Variants in BICDL1 observed in about 807,000 individuals in gnomAD.
BICDL1 encodes the protein BICD family like cargo adaptor 1.
BICDL1 carries 20 observed loss-of-function variants against 76.8 expected under a neutral mutation model. The observed-to-expected ratio is 0.26, with a 90% CI of 0.18 to 0.38. The LOEUF (loss-of-function observed/expected upper bound fraction) is 0.38. Among genes scored for constraint, BICDL1 ranks in the 10% least tolerant of loss-of-function variants. The pLI is 1.00. For missense variants in BICDL1, 700 were observed against 798.6 expected (o/e 0.88, Z 1.49); for synonymous variants, 383 against 337.1 (o/e 1.14, Z -1.49).
intron 2 of BICDL1, among the ~76,000 whole-genome samples, chr12:120,011,988 A>T (rs377581699): frequency 1.3e-5 from 2 of 152,226 alleles, no homozygotes; most frequent in East Asian, 1.9e-4. Context: ...CTAAATGTCC[A>T]CATGTACGTA....
chr12:120,063,574 A>G (rs1953153244), intron 3 of BICDL1, among the ~76,000 whole-genome samples: 1 of 152,190 alleles, frequency 6.6e-6, no homozygotes, highest in African/African-American at 2.4e-5. Flanking sequence ...CCCCTGGAAA[A>G]GTTCTAAGGT....
intron 1 of BICDL1, among the ~76,000 whole-genome samples, chr12:119,994,779 C>T (rs999561164): frequency 2.1e-4 from 32 of 152,140 alleles, no homozygotes; most frequent in Non-Finnish European, 7.3e-5. Context: ...TGAGCCACTG[C>T]GCCCAGCCAT....
chr12:120,039,165 C>T (rs1405414962), intron 2 of BICDL1, among the ~76,000 whole-genome samples: 1 of 150,308 alleles, frequency 6.7e-6, no homozygotes, highest in East Asian at 2.0e-4. Context: ...GGCATGGTGG[C>T]GGGTGTCTAT....
chr12:120,060,515 G>A (rs575958816), intron 2 of BICDL1, among the ~76,000 whole-genome samples: 1 of 152,134 alleles, frequency 6.6e-6, no homozygotes, highest in African/African-American at 2.4e-5. Context: ...TTACTTCACT[G>A]ACTGAAACTT....
chr12:120,040,094 C>A (rs1319466025), intron 2 of BICDL1, among the ~76,000 whole-genome samples: 2 of 149,464 alleles, frequency 1.3e-5, no homozygotes, highest in Admixed American at 6.6e-5. Flanking sequence ...ATTTCTTTTT[C>A]TTTTCTTTTC....
intron 8 of BICDL1, 88 bp downstream of exon 8, chr12:120,081,105 C>A: frequency 7.4e-7 from 1 of 1,358,062 alleles, no homozygotes. Flanking sequence ...TTAAATCATA[C>A]AAAAGAATAC....
At chr12:120,008,382 C>G (rs1951890564) in intron 2 of BICDL1, among the ~76,000 whole-genome samples, 1 of 152,088 alleles carries the variant, frequency 6.6e-6, no homozygotes, top group African/African-American at 2.4e-5. Context: ...TGGTCTTGAA[C>G]TCCTGGGTTC....
chr12:120,088,576 C>G (rs1187447640), intron 8 of BICDL1, among the ~76,000 whole-genome samples: 1 of 151,974 alleles, frequency 6.6e-6, no homozygotes, highest in African/African-American at 2.4e-5. Flanking sequence ...AGGCTGGTCT[C>G]GAACTCCTGA....
intron 3 of BICDL1, among the ~76,000 whole-genome samples, chr12:120,062,357 G>A (rs1279380674): frequency 2.0e-5 from 3 of 152,142 alleles, no homozygotes; most frequent in African/African-American, 7.2e-5. Context: ...TATCGGCAGG[G>A]GAACAATACT....
At chr12:120,076,166 T>G (rs759636618) in intron 7 of BICDL1, among the ~76,000 whole-genome samples, 1 of 152,110 alleles carries the variant, frequency 6.6e-6, no homozygotes, top group Non-Finnish European at 1.5e-5. Context: ...CTCAAAAAGT[T>G]GTAGCTTGCT....
intron 2 of BICDL1, among the ~76,000 whole-genome samples, chr12:120,044,974 T>C (rs962150711): frequency 6.6e-6 from 1 of 152,082 alleles, no homozygotes; most frequent in African/African-American, 2.4e-5. Flanking sequence ...GGGGATGGCA[T>C]TGAAACAGGC....
intron 2 of BICDL1, chr12:120,056,972 A>C: frequency 4.4e-6 from 2 of 455,868 alleles, no homozygotes; most frequent in Admixed American, 2.4e-5. Context: ...CCCTGTGCCA[A>C]GCCCTGGGTT....
At chr12:120,062,913 C>T (rs922338786) in intron 3 of BICDL1, among the ~76,000 whole-genome samples, 1 of 152,184 alleles carries the variant, frequency 6.6e-6, no homozygotes, top group African/African-American at 2.4e-5. Context: ...TCTAGACCCT[C>T]ATGAACCGGG....
In BICDL1 at chr12:120,072,657, C is replaced by A. The variant is rs369210438; in HGVS notation, c.1236C>A (p.Ala412=). 1.9e-5 allele frequency: 30 copies of A among 1,614,134 alleles called. No homozygotes were observed. The Admixed American group carries it at 5.0e-4, about 27-fold the overall frequency. The change falls in exon 6 of 10, where the codon GCC becomes GCA. Residue 412 remains alanine, a synonymous_variant. Coordinates refer to ENST00000548673, the MANE Select transcript of BICDL1 (RefSeq NM_001367886.1). ...CCTCGTCCGCCAAGGATGTGCCAGCCGGCAGCTTGCGCACTGCCCTCAATG... is the reference window on the plus strand; with the variant it reads ...CCTCGTCCGCCAAGGATGTGCCAGCAGGCAGCTTGCGCACTGCCCTCAATG... ...SETSSAKDVP[A]GSLRTALNEL...
Position 120,064,852 on chromosome 12 carries a change from G to A in BICDL1, c.882G>A (p.Glu294=), listed in dbSNP as rs1566254461. The A allele has an allele frequency of 6.2e-7, 1 of 1,612,852 alleles. No homozygotes were observed. Among genetic ancestry groups the A allele is most frequent in the Admixed American group, 1.7e-5 (1 of 59,854 alleles). The change falls in exon 4 of 10, where the codon GAG becomes GAA. Residue 294 remains glutamate, a synonymous_variant. Coordinates refer to ENST00000548673, the MANE Select transcript of BICDL1 (RefSeq NM_001367886.1). ...EELQDRVLIL[E]RQGHDKDLQL... ...TACAGGACCGGGTGCTAATCCTGGA[G>A]AGGCAGGGCCATGACAAGGACCTAC... is the stretch of plus-strand genomic sequence containing the variant.
intron 8 of BICDL1, among the ~76,000 whole-genome samples, chr12:120,086,108 C>G (rs1409995601): frequency 3.9e-5 from 6 of 151,942 alleles, no homozygotes; most frequent in African/African-American, 1.2e-4. Context: ...GGCCCAGTTA[C>G]TATCCAGGAG....
intron 2 of BICDL1, among the ~76,000 whole-genome samples, chr12:120,048,184 CT>C (rs914323677): frequency 6.3e-4 from 91 of 145,290 alleles, no homozygotes; most frequent in Admixed American, 6.9e-4. Flanking sequence ...ATGAATTTAC[CT>C]TTTTTTTTTT....
chr12:120,056,134 G>A (rs1405768595), intron 2 of BICDL1, among the ~76,000 whole-genome samples: 12 of 152,098 alleles, frequency 7.9e-5, no homozygotes, highest in Admixed American at 7.9e-4. Context: ...ACCTGTGGTG[G>A]GTGGCACTAA....
intron 2 of BICDL1, among the ~76,000 whole-genome samples, chr12:120,019,555 A>G (rs1361379552): frequency 1.3e-5 from 2 of 152,144 alleles, no homozygotes; most frequent in Non-Finnish European, 2.9e-5. Context: ...AATAACAGAG[A>G]TGTGGCATTA....
Sources: gnomAD v4.1 joint callset for allele counts (sites outside exome capture counted in the v4.1 genomes callset) on GRCh38, gnomAD v4.1.1 for gene constraint, MANE v1.5 for transcripts, NCBI Gene and HGNC (gene_info 2026-07-23, HGNC 2026-07-21) for gene names.